NUDT6: variants seen among roughly 807,000 people sequenced by gnomAD.
NUDT6 encodes nudix hydrolase 6, also known as FAD diphosphatase NUDT6.
In NUDT6, 24 loss-of-function variants were observed where a neutral mutation model predicts 36.8. The ratio of observed to expected loss-of-function variants is 0.65; its 90% CI spans 0.47 to 0.92. The LOEUF is 0.92. NUDT6 is among the 40% of genes least tolerant of loss of function. The pLI, the probability that NUDT6 is intolerant of heterozygous loss-of-function variation, is 0.00. For missense variants in NUDT6, 388 were observed against 392.8 expected, an observed-to-expected ratio of 0.99 and a Z score of 0.10; for synonymous variants, 163 against 157.0, an observed-to-expected ratio of 1.04 and a Z score of -0.29.
intron 3 of NUDT6, among the ~76,000 whole-genome samples, chr4:122,910,766 T>C (rs1304627877): frequency 6.6e-6 from 1 of 152,176 alleles, no homozygotes; most frequent in African/African-American, 2.4e-5. Context: ...AACTCCTAAA[T>C]TTTATAAATG....
chr4:122,918,726 C>T (rs1727902858), intron 1 of NUDT6: 2 of 152,186 alleles, frequency 1.3e-5, no homozygotes, highest in Admixed American at 6.5e-5. Context: ...GTGACAGGCA[C>T]ATGGGGCCTT....
chr4:122,906,263 G>A (rs1411264974), intron 3 of NUDT6, among the ~76,000 whole-genome samples: 2 of 152,104 alleles, frequency 1.3e-5, no homozygotes, highest in Admixed American at 6.5e-5. Flanking sequence ...TTCATATTGT[G>A]CCTTGAATTG....
intron 3 of NUDT6, among the ~76,000 whole-genome samples, chr4:122,905,140 G>A (rs1316735791): frequency 2.6e-5 from 4 of 152,152 alleles, no homozygotes; most frequent in South Asian, 2.1e-4. Context: ...ACAGAGCAGT[G>A]ATTGGTCCAT....
Position 122,917,635 on chromosome 4 carries a change from C to A in NUDT6, c.308G>T (p.Arg103Leu), listed in dbSNP as rs781489469. 17 of 1,614,062 alleles carry A rather than the reference C, an allele frequency of 1.1e-5. No individual in the cohort carries two copies. Among genetic ancestry groups the A allele is most frequent in the Middle Eastern group, 1.6e-4 (1 of 6,084 alleles). Residue 103 changes from arginine (R) to leucine (L), a missense_variant, in exon 2 of 5, where the codon CGA becomes CTA. Coordinates refer to ENST00000304430, the MANE Select transcript of NUDT6 (RefSeq NM_007083.5). ...CAGGGAAGCAGCAGGGGCAATAAAT[C>A]GGCTTTGGAGGATGGGAATGTGCAG... ...VWLHIPILQS[R>L]FIAPAASLGF...
At chr4:122,902,197 TA>T (rs921066100) in intron 3 of NUDT6, among the ~76,000 whole-genome samples, 1 of 152,176 alleles carries the variant, frequency 6.6e-6, no homozygotes, top group Admixed American at 6.5e-5. Context: ...AATAGAAATT[TA>T]TTGCTTGTTA....
intron 3 of NUDT6, among the ~76,000 whole-genome samples, chr4:122,904,696 T>G (rs1202732476): frequency 6.6e-6 from 1 of 152,170 alleles, no homozygotes; most frequent in African/African-American, 2.4e-5. Context: ...CCTCGTGATC[T>G]GCCTGCCTCG....
chr4:122,915,710 C>G (rs1727825474), intron 2 of NUDT6, among the ~76,000 whole-genome samples: 1 of 152,018 alleles, frequency 6.6e-6, no homozygotes, highest in South Asian at 2.1e-4. Flanking sequence ...GCATATATTA[C>G]CAATTCTGTA....
At chr4:122,904,459 C>T (rs1051458682) in intron 3 of NUDT6, among the ~76,000 whole-genome samples, 9 of 148,154 alleles carry the variant, frequency 6.1e-5, no homozygotes, top group Admixed American at 5.3e-4. Context: ...CACCTACTTT[C>T]TATAATTTTT....
intron 3 of NUDT6, among the ~76,000 whole-genome samples, chr4:122,902,677 G>T (rs1727547746): frequency 6.6e-6 from 1 of 152,186 alleles, no homozygotes; most frequent in South Asian, 2.1e-4. Context: ...TTCAGTGAAT[G>T]AATTAATGGG....
intron 3 of NUDT6, among the ~76,000 whole-genome samples, chr4:122,900,420 C>G (rs980798738): frequency 2.6e-4 from 39 of 150,698 alleles, no homozygotes; most frequent in African/African-American, 9.2e-4. Flanking sequence ...CATCTTTCTA[C>G]AATTTTTCCC....
intron 3 of NUDT6, among the ~76,000 whole-genome samples, chr4:122,902,568 A>C (rs1418029878): frequency 1.3e-5 from 2 of 152,184 alleles, no homozygotes; most frequent in Non-Finnish European, 2.9e-5. Context: ...ATGCATTTGA[A>C]TGTAAGCTCC....
intron 1 of NUDT6, 152 bp from the exon 2 acceptor site, chr4:122,917,856 C>A (rs1727878283): frequency 1.6e-6 from 1 of 640,008 alleles, no homozygotes; most frequent in Non-Finnish European, 2.7e-6. Flanking sequence ...CTGGAAGTAC[C>A]ATGTTTTATA....
intron 3 of NUDT6, among the ~76,000 whole-genome samples, chr4:122,907,077 C>T (rs544458622): frequency 6.6e-6 from 1 of 152,280 alleles, no homozygotes; most frequent in African/African-American, 2.4e-5. Flanking sequence ...CTCTAAGTAT[C>T]CTTAGTGGAG....
chr4:122,918,152 G>A, intron 1 of NUDT6: 1 of 154,734 alleles, frequency 6.5e-6, no homozygotes, highest in Non-Finnish European at 1.4e-5. Flanking sequence ...TAAATTTCAA[G>A]GTAGTTAAAC....
At chr4:122,893,345 A>G (rs1727248935) in intron 4 of NUDT6, 120 bp from the exon 5 acceptor site, 13 of 920,442 alleles carry the variant, frequency 1.4e-5, no homozygotes, top group Non-Finnish European at 1.8e-5. Flanking sequence ...TAACAAAGTA[A>G]AGTTTTCAAT....
chr4:122,912,994 G>C (rs548028119), intron 2 of NUDT6, among the ~76,000 whole-genome samples: 2 of 152,310 alleles, frequency 1.3e-5, no homozygotes, highest in South Asian at 4.1e-4. Context: ...CATGAGGTCA[G>C]GTATGGAATT....
intron 3 of NUDT6, chr4:122,897,892 C>T (rs550565571): frequency 1.7e-5 from 9 of 541,816 alleles, no homozygotes; most frequent in East Asian, 3.1e-5. Flanking sequence ...CACCTTTTCT[C>T]TTCAGGAAAT....
At chr4:122,903,818 T>G (rs567949324) in intron 3 of NUDT6, among the ~76,000 whole-genome samples, 1 of 152,306 alleles carries the variant, frequency 6.6e-6, no homozygotes, top group South Asian at 2.1e-4. Context: ...GAATCCAGTT[T>G]GAAGTTTTCC....
At position 122,917,556 on chromosome 4, in the gene NUDT6, C is replaced by T; in HGVS notation, c.387G>A (p.Leu129=). Residue 129 remains leucine, a synonymous_variant, in exon 2 of 5, where the codon CTG becomes CTA. Transcript: ENST00000304430. ...CTGGTAATCTGCTGGGCCCTTCTCTCAGCCACAGAGTCAACGTTGATGAAT... is the reference window on the plus strand; with the variant it reads ...CTGGTAATCTGCTGGGCCCTTCTCTTAGCCACAGAGTCAACGTTGATGAAT... ...ESDSSTLTLW[L]REGPSRLPGY... The T allele has an allele frequency of 1.2e-6, 2 of 1,614,188 alleles. No individual in the cohort carries two copies. The highest frequency in any genetic ancestry group is 1.6e-4 in the Middle Eastern group (1 of 6,062).
Sources: gnomAD v4.1 joint callset for allele counts (sites outside exome capture counted in the v4.1 genomes callset) on GRCh38, gnomAD v4.1.1 for gene constraint, MANE v1.5 for transcripts, NCBI Gene and HGNC (gene_info 2026-07-23, HGNC 2026-07-21) for gene names.